The following MAP3K1 variants were observed in gnomAD, a reference collection of about 807,000 sequenced individuals.
MAP3K1 encodes the protein MAP/ERK kinase kinase 1.
MAP3K1 carries 36 observed loss-of-function variants against 144.2 expected under a neutral mutation model. The observed-to-expected ratio is 0.25, with a 90% CI of 0.19 to 0.33. MAP3K1 has a LOEUF of 0.33. Ranked by LOEUF, MAP3K1 falls within the 10% of genes least tolerant of loss-of-function variation. The probability of loss-of-function intolerance (pLI) is 1.00; values close to 1 mark genes in which losing one functional copy is unlikely to be tolerated. For missense variants in MAP3K1, 1,650 were observed against 1,881.9 expected (o/e 0.88, Z 2.28); for synonymous variants, 718 against 688.7 (o/e 1.04, Z -0.67).
intron 1 of MAP3K1, among the ~76,000 whole-genome samples, chr5:56,843,324 C>T (rs554080204): frequency 1.1e-4 from 16 of 152,158 alleles, no homozygotes; most frequent in Non-Finnish European, 1.8e-4. Context: ...ACATTGGCCT[C>T]GCCCCCTCGG....
intron 1 of MAP3K1, among the ~76,000 whole-genome samples, chr5:56,830,384 A>G (rs1424406703): frequency 1.3e-5 from 2 of 152,038 alleles, no homozygotes; most frequent in African/African-American, 4.8e-5. Context: ...TTCTTGTTTT[A>G]CTTTCCCTCT....
At chr5:56,820,314 T>G (rs2111744618) in intron 1 of MAP3K1, 1 of 443,214 alleles carries the variant, frequency 2.3e-6, no homozygotes, top group Middle Eastern at 1.2e-3. Context: ...TCAGACTGAC[T>G]CCACAGTCCA....
rs1039473831 is a variant in MAP3K1, at chr5:56,820,485, A to G, written c.482+4430A>G. The G allele has an allele frequency of 6.1e-6, 6 of 985,064 alleles. No homozygotes were observed. In the African/African-American group the frequency reaches 1.0e-4, roughly 17 times the overall value. 61.0% of individuals were successfully genotyped at this position (985,064 alleles called of 1,614,324 possible). On this transcript the variant is annotated intron_variant, in intron 1 of 19. Coordinates refer to ENST00000399503, the MANE Select transcript of MAP3K1 (RefSeq NM_005921.2). Reference sequence around the variant, plus strand: ...TTGCCTGTTAATGTATATAATAGGTATGTTTCTGTAACCTGGCCTTGTATA... The same window carrying G: ...TTGCCTGTTAATGTATATAATAGGTGTGTTTCTGTAACCTGGCCTTGTATA...
chr5:56,848,485 C>T (rs980912355), intron 1 of MAP3K1, among the ~76,000 whole-genome samples: 1 of 152,138 alleles, frequency 6.6e-6, no homozygotes, highest in Non-Finnish European at 1.5e-5. Context: ...ATCTGTTGTT[C>T]TGGGTGCTTT....
chr5:56,880,163 A>G (rs571370228), intron 11 of MAP3K1, among the ~76,000 whole-genome samples: 139 of 152,344 alleles, frequency 9.1e-4, no homozygotes, highest in African/African-American at 3.1e-3. Context: ...GAATAGGTAT[A>G]TTTCTGAGAA....
At chr5:56,844,687 G>C (rs1746936759) in intron 1 of MAP3K1, among the ~76,000 whole-genome samples, 1 of 152,182 alleles carries the variant, frequency 6.6e-6, no homozygotes, top group Admixed American at 6.5e-5. Context: ...TTACAGCAGA[G>C]TTGACATTGT....
In MAP3K1 at chr5:56,871,987, A is replaced by G; in HGVS notation, c.1379A>G (p.Glu460Gly). 1 of 1,614,020 alleles carries G rather than the reference A, an allele frequency of 6.2e-7. No homozygotes were observed. The highest frequency in any genetic ancestry group is 8.5e-7 in the Non-Finnish European group (1 of 1,179,914). ...MLDEESLTVC[E>G]DGCRNKLHHH... ...GATGAAGAAAGTCTTACAGTGTGTG[A>G]AGACGGCTGCAGGAACAAGCTGCAC... The change falls in exon 7 of 20, where the codon GAA becomes GGA. Residue 460 changes from glutamate (E) to glycine (G), a missense_variant. Glu to Gly is a moderately conservative substitution (Grantham distance 98, BLOSUM62 -2). Coordinates refer to ENST00000399503, the MANE Select transcript of MAP3K1 (RefSeq NM_005921.2).
In MAP3K1 at chr5:56,823,068, C is replaced by T. The variant is rs140434842; in HGVS notation, c.482+7013C>T. 1.6e-3 allele frequency among the ~76,000 whole-genome samples: 250 copies of T among 152,298 alleles called. 3 individuals carry two copies. The highest frequency in any genetic ancestry group is 0.011 in the Admixed American group (175 of 15,294). ...ATTAGGTGGCCAGAGTGATCATTTC[C>T]AAATGTAAATCTGATCATAACTTCC... On this transcript the variant is annotated intron_variant, in intron 1 of 19. Coordinates refer to ENST00000399503, the MANE Select transcript of MAP3K1 (RefSeq NM_005921.2).
intron 1 of MAP3K1, among the ~76,000 whole-genome samples, chr5:56,854,432 C>CAAAAA (rs10647091): frequency 1.8e-4 from 15 of 85,248 alleles, no homozygotes; most frequent in East Asian, 6.5e-4. Context: ...AACTCCATCT[C>CAAAAA]AAAAAAAAAA....
rs374345167 is a variant in MAP3K1 at position 56,872,971 on chromosome 5, C to T, written c.1652C>T (p.Pro551Leu). ...CATTATGGAACTCAGCAAATCCCTCCTGCTTACAAAGATTTAGCTGAGCCA... is the reference window on the plus strand; with the variant it reads ...CATTATGGAACTCAGCAAATCCCTCTTGCTTACAAAGATTTAGCTGAGCCA... ...LTHYGTQQIP[P>L]AYKDLAEPWI... Residue 551 changes from proline to leucine, a missense_variant, in exon 9 of 20, where the codon CCT becomes CTT. Pro to Leu is a moderately conservative substitution (Grantham distance 98). This residue lies in a region of MAP3K1 where 841 missense variants were observed against 886.5 expected (regional missense o/e 0.95). Transcript: ENST00000399503. 1.8e-5 allele frequency: 29 copies of T among 1,614,008 alleles called. No individual in the cohort carries two copies. The African/African-American group carries it at 3.6e-4, about 20-fold the overall frequency.
chr5:56,840,262 C>T (rs1292430871), intron 1 of MAP3K1, among the ~76,000 whole-genome samples: 1 of 152,178 alleles, frequency 6.6e-6, no homozygotes, highest in Non-Finnish European at 1.5e-5. Context: ...ATTCTCCTGC[C>T]TCAGCCTCCC....
intron 19 of MAP3K1, among the ~76,000 whole-genome samples, chr5:56,888,863 C>T (rs972677638): frequency 2.0e-5 from 3 of 152,144 alleles, no homozygotes; most frequent in East Asian, 1.9e-4. Context: ...ATAACCTCAG[C>T]GTAAGTTGAA....
chr5:56,886,639 A>G (rs1748386233), intron 17 of MAP3K1, among the ~76,000 whole-genome samples: 1 of 152,254 alleles, frequency 6.6e-6, no homozygotes, highest in African/African-American at 2.4e-5. Flanking sequence ...TCTTGGCCTC[A>G]TGATACGCTG....
intron 1 of MAP3K1, among the ~76,000 whole-genome samples, chr5:56,855,917 G>A (rs832566): frequency 0.5 from 75,256 of 151,918 alleles, 21,135 homozygotes; most frequent in Non-Finnish European, 0.65. Flanking sequence ...AGTGATTTTC[G>A]TGAGCTTGAT....
intron 4 of MAP3K1, 85 bp downstream of exon 4, chr5:56,865,019 A>G (rs935996795): frequency 8.1e-7 from 1 of 1,231,074 alleles, no homozygotes; most frequent in Non-Finnish European, 1.2e-6. Flanking sequence ...TCTTAAATTT[A>G]GATCAATTAA....
intron 1 of MAP3K1, among the ~76,000 whole-genome samples, chr5:56,829,578 G>T (rs1746427287): frequency 6.6e-6 from 1 of 152,162 alleles, no homozygotes; most frequent in South Asian, 2.1e-4. Context: ...TTTTGTCTTG[G>T]ATTCCTGGTA....
chr5:56,815,713 C>A lies in MAP3K1; in HGVS notation c.140C>A (p.Ala47Glu). Residue 47 changes from alanine (A) to glutamate (E), a missense_variant, in exon 1 of 20, where the codon GCG becomes GAG. Ala to Glu is a moderately radical substitution (Grantham distance 107). Coordinates refer to ENST00000399503, the MANE Select transcript of MAP3K1 (RefSeq NM_005921.2). ...PAAAAGLLRE[A>E]GSGGRERADW... ...GCTGCCGCGGGACTGCTGCGGGAGG[C>A]GGGCAGCGGGGGCCGCGAGCGGGCG... The A allele has an allele frequency of 7.6e-7, 1 of 1,320,036 alleles. No individual in the cohort carries two copies. The highest frequency in any genetic ancestry group is 9.6e-7 in the Non-Finnish European group (1 of 1,036,290). 81.8% of individuals were successfully genotyped at this position (1,320,036 alleles called of 1,614,324 possible).
chr5:56,884,473 G>C (rs1748318274), intron 15 of MAP3K1, among the ~76,000 whole-genome samples, 191 bp from the exon 16 acceptor site: 1 of 152,056 alleles, frequency 6.6e-6, no homozygotes, highest in Non-Finnish European at 1.5e-5. Flanking sequence ...TCATTTTTCT[G>C]ATGTTTACTG....
At chr5:56,891,665 G>A (rs1239010361) in intron 19 of MAP3K1, among the ~76,000 whole-genome samples, 2 of 152,112 alleles carry the variant, frequency 1.3e-5, no homozygotes, top group African/African-American at 4.8e-5. Context: ...GGTTTTTATG[G>A]TTTTAGGTCT....
Sources: gnomAD v4.1 joint callset for allele counts (sites outside exome capture counted in the v4.1 genomes callset) on GRCh38, gnomAD v4.1.1 for gene constraint, gnomAD v4.1.1 regional missense constraint, MANE v1.5 for transcripts, NCBI Gene and HGNC (gene_info 2026-07-23, HGNC 2026-07-21) for gene names.